The following DMXL2 variants were observed in gnomAD, a reference collection of about 807,000 sequenced individuals.
DMXL2 encodes the protein Dmx like 2.
In DMXL2, 103 loss-of-function variants were observed where a neutral mutation model predicts 331.1. The ratio of observed to expected loss-of-function variants is 0.31; its 90% CI spans 0.27 to 0.37. The LOEUF (loss-of-function observed/expected upper bound fraction) is 0.37, where lower values mean the gene tolerates loss of function less well. Among genes scored for constraint, DMXL2 ranks in the 10% least tolerant of loss-of-function variants. The probability of loss-of-function intolerance (pLI) is 1.00; values close to 1 mark genes in which losing one functional copy is unlikely to be tolerated. For missense variants in DMXL2, 3,171 were observed against 3,642.9 expected (o/e 0.87, Z 3.33); for synonymous variants, 1,281 against 1,252.1 (o/e 1.02, Z -0.49).
In DMXL2 at chr15:51,542,343, G is replaced by A. The variant is rs148151320; in HGVS notation, c.1095C>T (p.Asn365=). 17 of 1,613,188 alleles carry A rather than the reference G, an allele frequency of 1.1e-5. No individual in the cohort carries two copies. In the African/African-American group the frequency reaches 1.9e-4, roughly 18 times the overall value. The part of the protein sequence containing the change: ...LCHFHIAASI[N]PATDIPNVLV... ...AACTTTATCCTTTACCTGTGGCAGG[G>A]TTGATGCTTGCTGCAATATGAAAAT... The change falls in exon 9 of 44, where the codon AAC becomes AAT. Residue 365 remains asparagine (N), a synonymous_variant. Transcript: ENST00000560891.
At chr15:51,603,906 T>C (rs1486515866) in intron 1 of DMXL2, among the ~76,000 whole-genome samples, 1 of 149,900 alleles carries the variant, frequency 6.7e-6, no homozygotes, top group Non-Finnish European at 1.5e-5. Flanking sequence ...TCCAAACTCA[T>C]GAAGCTAGTA....
Position 51,450,157 on chromosome 15 carries a change from G to A in DMXL2, c.8939C>T (p.Thr2980Ile), listed in dbSNP as rs1248123890. The A allele has an allele frequency of 4.3e-6, 7 of 1,613,678 alleles. No homozygotes were observed. Among genetic ancestry groups the A allele is most frequent in the African/African-American group, 1.3e-5 (1 of 74,818 alleles). Residue 2980 changes from threonine (T) to isoleucine (I), a missense_variant, in exon 43 of 44, where the codon ACC becomes ATC. Thr to Ile is a moderately conservative substitution (Grantham distance 89, BLOSUM62 -1). Transcript: ENST00000560891. ...LALDPYEEYFTTGSAEGNIKV... is the reference protein window; with the variant it reads ...LALDPYEEYFITGSAEGNIKV... ...TATGTTACCTTCTGCTGAACCTGTG[G>A]TAAAATATTCCTCATAGGGATCCAA...
At chr15:51,471,663 A>G (rs1265780966) in intron 28 of DMXL2, among the ~76,000 whole-genome samples, 1 of 152,192 alleles carries the variant, frequency 6.6e-6, no homozygotes, top group African/African-American at 2.4e-5. Context: ...AAAATACACT[A>G]AATAAGTGGT....
intron 17 of DMXL2, among the ~76,000 whole-genome samples, chr15:51,501,337 T>C (rs1462037670): frequency 2.0e-5 from 3 of 152,200 alleles, no homozygotes; most frequent in Admixed American, 2.0e-4. Context: ...ATTCTGCAAG[T>C]AGATCACTTT....
At position 51,569,624 on chromosome 15, in the gene DMXL2, G is replaced by C. The variant is rs189551155; in HGVS notation, c.214-1066C>G. ...GTGCCCTTCTGGGACAAAGCTCCCAGAGGTAGGAACAGGCAGCAATCTTTG... is the reference window on the plus strand; with the variant it reads ...GTGCCCTTCTGGGACAAAGCTCCCACAGGTAGGAACAGGCAGCAATCTTTG... On this transcript the variant is annotated intron_variant, in intron 2 of 43. Transcript: ENST00000560891. Among the ~76,000 whole-genome samples, 3 of 152,318 alleles carry C rather than the reference G, an allele frequency of 2.0e-5. No individual in the cohort carries two copies. In the East Asian group the frequency reaches 5.8e-4, roughly 29 times the overall value.
intron 22 of DMXL2, among the ~76,000 whole-genome samples, chr15:51,487,480 T>C (rs986259158): frequency 3.3e-5 from 5 of 151,354 alleles, no homozygotes; most frequent in African/African-American, 9.7e-5. Context: ...CTTTTTGAGA[T>C]GGAGTCTCAC....
chr15:51,457,165 C>T (rs2039703008), intron 37 of DMXL2, 163 bp downstream of exon 37: 1 of 790,202 alleles, frequency 1.3e-6, no homozygotes, highest in African/African-American at 1.8e-5. Context: ...GAGCCAGACC[C>T]TGTCACCAAA....
chr15:51,458,354 A>G (rs982322354), intron 36 of DMXL2, 152 bp downstream of exon 36: 1 of 704,532 alleles, frequency 1.4e-6, no homozygotes, highest in Non-Finnish European at 2.3e-6. Flanking sequence ...GTAGACAAAG[A>G]CTTTCACTGG....
chr15:51,550,746 C>T (rs913747381), intron 6 of DMXL2, among the ~76,000 whole-genome samples: 3 of 151,928 alleles, frequency 2.0e-5, no homozygotes, highest in Non-Finnish European at 2.9e-5. Flanking sequence ...TCCTAGTAAG[C>T]GAACCAGAGA....
Position 51,514,497 on chromosome 15 carries a change from T to C in DMXL2, c.2589A>G (p.Pro863=). ...CCTTTTTCTCCATATCTTCCTTATG[T>C]GGTTTATATCCTATAATGAAGTCTT... ...FQEDFIIGYK[P]HKEDMEKKET... is the part of the protein sequence containing the mutation. Residue 863 remains proline (P), a synonymous_variant, in exon 15 of 44, where the codon CCA becomes CCG. Coordinates refer to ENST00000560891, the MANE Select transcript of DMXL2 (RefSeq NM_001378457.1). The C allele has an allele frequency of 1.2e-6, 2 of 1,600,964 alleles. No individual in the cohort carries two copies. The highest frequency in any genetic ancestry group is 1.7e-6 in the Non-Finnish European group (2 of 1,173,632).
intron 29 of DMXL2, among the ~76,000 whole-genome samples, chr15:51,469,422 A>G (rs1025905676): frequency 1.3e-5 from 2 of 152,186 alleles, no homozygotes; most frequent in Non-Finnish European, 2.9e-5. Context: ...TGACAGCTAT[A>G]TAAGTTTTTA....
chr15:51,474,725 A>G (rs954266170), intron 27 of DMXL2, 133 bp from the exon 28 acceptor site: 4 of 972,766 alleles, frequency 4.1e-6, no homozygotes, highest in Non-Finnish European at 5.9e-6. Context: ...GAGCAACAAA[A>G]TAAACAAGAT....
chr15:51,612,803 G>C (rs917289767), intron 1 of DMXL2, among the ~76,000 whole-genome samples: 7 of 152,134 alleles, frequency 4.6e-5, no homozygotes. Flanking sequence ...TATTAGGTGG[G>C]AATTTCCTCA....
At chr15:51,482,851 A>G (rs1436228468) in intron 23 of DMXL2, among the ~76,000 whole-genome samples, 2 of 152,198 alleles carry the variant, frequency 1.3e-5, no homozygotes, top group African/African-American at 4.8e-5. Context: ...CTCCGAAAAG[A>G]AAGGACCAAG....
intron 1 of DMXL2, among the ~76,000 whole-genome samples, chr15:51,595,588 C>A (rs1418706421): frequency 1.3e-5 from 2 of 152,168 alleles, no homozygotes; most frequent in African/African-American, 2.4e-5. Context: ...TCATATGGAA[C>A]CAAAACAGAG....
intron 13 of DMXL2, among the ~76,000 whole-genome samples, chr15:51,531,299 T>C (rs1351507660): frequency 6.6e-6 from 1 of 152,134 alleles, no homozygotes; most frequent in Non-Finnish European, 1.5e-5. Context: ...GTCTCTTCAA[T>C]AAATGGTGCC....
Position 51,481,468 on chromosome 15 carries a change from T to G in DMXL2, c.5638A>C (p.Ile1880Leu). Residue 1880 changes from isoleucine (I) to leucine (L), a missense_variant, in exon 24 of 44, where the codon ATA becomes CTA. Physicochemically the swap from Ile to Leu is conservative, Grantham distance 5. Transcript: ENST00000560891. ...EKNFVDKINLIERKLFFTTAN... is the reference protein window; with the variant it reads ...EKNFVDKINLLERKLFFTTAN... ...GTGGTAAAGAATAATTTTCTTTCTA[T>G]GAGGTTAATTTTATCAACAAAGTTC... is the stretch of plus-strand genomic sequence containing the variant. 2 of 1,613,396 alleles carry G rather than the reference T, an allele frequency of 1.2e-6. No homozygotes were observed. The highest frequency in any genetic ancestry group is 1.7e-6 in the Non-Finnish European group (2 of 1,179,752).
chr15:51,543,701 T>C (rs1052383093), intron 8 of DMXL2, among the ~76,000 whole-genome samples: 5 of 152,160 alleles, frequency 3.3e-5, no homozygotes, highest in African/African-American at 1.2e-4. Flanking sequence ...GAAAGCCAAG[T>C]GGCTCGTAAG....
chr15:51,485,771 G>A (rs543098706), intron 23 of DMXL2, among the ~76,000 whole-genome samples: 1 of 151,932 alleles, frequency 6.6e-6, no homozygotes, highest in South Asian at 2.1e-4. Flanking sequence ...GTTTTTCCAG[G>A]CCCATGTGAC....
Sources: gnomAD v4.1 joint callset for allele counts (sites outside exome capture counted in the v4.1 genomes callset) on GRCh38, gnomAD v4.1.1 for gene constraint, MANE v1.5 for transcripts, NCBI Gene and HGNC (gene_info 2026-07-23, HGNC 2026-07-21) for gene names.